Variants in FLI1 observed in about 807,000 individuals in gnomAD.
FLI1 encodes the protein Fli-1 proto-oncogene, ETS transcription factor.
In FLI1, 13 loss-of-function variants were observed where a neutral mutation model predicts 53.1. The ratio of observed to expected loss-of-function variants is 0.24; its 90% CI spans 0.16 to 0.39. The LOEUF is 0.39. Among genes scored for constraint, FLI1 ranks in the 10% least tolerant of loss-of-function variants. FLI1 has a pLI of 1.00. For missense variants in FLI1, 424 were observed against 600.5 expected, an observed-to-expected ratio of 0.71 and a Z score of 3.07; for synonymous variants, 244 against 236.7, an observed-to-expected ratio of 1.03 and a Z score of -0.28.
chr11:128,764,742 C>T, intron 2 of FLI1: 11 of 1,580,248 alleles, frequency 7.0e-6, no homozygotes, highest in Non-Finnish European at 9.4e-6. Context: ...TGGCCGCACG[C>T]AGGGCTTGCG....
intron 4 of FLI1, 69 bp downstream of exon 4, chr11:128,773,054 C>T: frequency 7.0e-7 from 1 of 1,419,496 alleles, no homozygotes; most frequent in Non-Finnish European, 9.8e-7. Flanking sequence ...GAGAGGAAGT[C>T]AGTGCTGCCC....
intron 5 of FLI1, among the ~76,000 whole-genome samples, chr11:128,786,237 A>G (rs775811661): frequency 1.3e-5 from 2 of 152,210 alleles, no homozygotes; most frequent in Non-Finnish European, 2.9e-5. Flanking sequence ...GAGCTACTCC[A>G]GATTTTCTTG....
intron 3 of FLI1, 54 bp from the exon 4 acceptor site, chr11:128,772,728 C>A: frequency 6.8e-7 from 1 of 1,479,870 alleles, no homozygotes; most frequent in Non-Finnish European, 9.4e-7. Context: ...CCTAGGCTCT[C>A]AGGGAGCCTC....
intron 1 of FLI1, among the ~76,000 whole-genome samples, chr11:128,754,082 T>C (rs1591782820): frequency 1.4e-5 from 1 of 73,510 alleles, no homozygotes; most frequent in African/African-American, 5.5e-5. Context: ...CTTGCCCATA[T>C]TGGCTTTTCA....
intron 1 of FLI1, among the ~76,000 whole-genome samples, chr11:128,702,479 T>C (rs984469412): frequency 5.3e-5 from 8 of 152,250 alleles, no homozygotes; most frequent in Non-Finnish European, 1.0e-4. Flanking sequence ...TATAATTTAC[T>C]GTAAGGATAT....
At chr11:128,756,710 T>C (rs1383932889) in intron 1 of FLI1, among the ~76,000 whole-genome samples, 2 of 152,250 alleles carry the variant, frequency 1.3e-5, no homozygotes, top group Non-Finnish European at 2.9e-5. Flanking sequence ...TATAGATCAA[T>C]TATAGATGAC....
chr11:128,761,440 C>T (rs563186462), intron 2 of FLI1, among the ~76,000 whole-genome samples: 4 of 152,280 alleles, frequency 2.6e-5, no homozygotes, highest in South Asian at 4.1e-4. Context: ...AATAAATTGT[C>T]GTCAAATAAA....
intron 5 of FLI1, among the ~76,000 whole-genome samples, chr11:128,803,495 C>T (rs540863532): frequency 5.9e-5 from 9 of 152,204 alleles, no homozygotes; most frequent in Non-Finnish European, 1.5e-5. Context: ...GATGCACTCT[C>T]CCCTCTCCAA....
At chr11:128,753,688 C>T (rs1254953794) in intron 1 of FLI1, among the ~76,000 whole-genome samples, 1 of 152,242 alleles carries the variant, frequency 6.6e-6, no homozygotes, top group Non-Finnish European at 1.5e-5. Context: ...GCAACAGCTC[C>T]TCATGTGTAA....
chr11:128,740,180 T>C (rs994791190), intron 1 of FLI1, among the ~76,000 whole-genome samples: 1 of 152,176 alleles, frequency 6.6e-6, no homozygotes, highest in Non-Finnish European at 1.5e-5. Context: ...TATTTGGGAA[T>C]GTATACGCAC....
rs2135925843 is a variant in FLI1, at chr11:128,810,882, C to T, written c.1253C>T (p.Ala418Val). 2 of 1,614,036 alleles carry T rather than the reference C, an allele frequency of 1.2e-6. No individual in the cohort carries two copies. Among genetic ancestry groups the T allele is most frequent in the Non-Finnish European group, 1.7e-6 (2 of 1,179,884 alleles). ...GTCACTTCCTCCAGCTTCTTTGGAG[C>T]CGCATCACAATACTGGACCTCCCCC... ...MPVTSSSFFGAASQYWTSPTG... is the reference protein window; with the variant it reads ...MPVTSSSFFGVASQYWTSPTG... Residue 418 changes from alanine (A) to valine (V), a missense_variant, in exon 9 of 9, where the codon GCC becomes GTC. Ala to Val is a moderately conservative substitution (Grantham distance 64). Coordinates refer to ENST00000527786, the MANE Select transcript of FLI1 (RefSeq NM_002017.5). This position sits in a 1 kb window ranked among gnomAD's most constrained non-coding sequence, Gnocchi z 6.6.
chr11:128,688,554 A>G (rs73571646), intron 1 of FLI1, among the ~76,000 whole-genome samples: 3,358 of 152,240 alleles, frequency 0.022, 140 homozygotes, highest in African/African-American at 0.077. Flanking sequence ...GTTGTTGACA[A>G]ACACCGCAGG....
intron 1 of FLI1, among the ~76,000 whole-genome samples, chr11:128,695,019 G>A (rs961816946): frequency 6.7e-6 from 1 of 148,296 alleles, no homozygotes; most frequent in African/African-American, 2.5e-5. Flanking sequence ...CCCGCCCTTC[G>A]CGCCTAGGCG....
intron 5 of FLI1, among the ~76,000 whole-genome samples, chr11:128,797,105 C>G (rs1170400571): frequency 6.6e-6 from 1 of 152,248 alleles, no homozygotes; most frequent in African/African-American, 2.4e-5. Flanking sequence ...GGTCAAAAGG[C>G]AAATCATGGG....
At position 128,810,596 on chromosome 11, in the gene FLI1, G is replaced by A. The variant is rs760569858; in HGVS notation, c.967G>A (p.Glu323Lys). 4 of 1,613,786 alleles carry A rather than the reference G, an allele frequency of 2.5e-6. No individual in the cohort carries two copies. Among genetic ancestry groups the A allele is most frequent in the South Asian group, 1.1e-5 (1 of 91,008 alleles). The change falls in exon 9 of 9, where the codon GAG (glutamate) becomes AAG (lysine). Residue 323 changes from glutamate to lysine, a missense_variant. Glu to Lys is a moderately conservative substitution (Grantham distance 56). Around this residue, in one of 5 missense-constraint regions of FLI1, gnomAD observed 71 missense variants for 174.2 expected, o/e 0.41. Transcript: ENST00000527786. The surrounding 1 kb of genome is among the most constrained non-coding windows in gnomAD (Gnocchi z 6.6). ...CGATGAGGTGGCCAGGCGCTGGGGC[G>A]AGCGGAAAAGCAAGCCCAACATGAA... ...DPDEVARRWG[E>K]RKSKPNMNYD...
chr11:128,774,385 C>T (rs1293531974), intron 4 of FLI1, among the ~76,000 whole-genome samples: 1 of 152,160 alleles, frequency 6.6e-6, no homozygotes, highest in Non-Finnish European at 1.5e-5. Context: ...AAAAAGGGGA[C>T]AATTTTCCAC....
intron 1 of FLI1, among the ~76,000 whole-genome samples, chr11:128,700,727 A>C (rs1453091139): frequency 6.6e-6 from 1 of 152,128 alleles, no homozygotes; most frequent in Non-Finnish European, 1.5e-5. Context: ...TACAAAAATT[A>C]GCCGGGCATG....
At chr11:128,774,688 G>GGC (rs1941680288) in intron 4 of FLI1, among the ~76,000 whole-genome samples, 2 of 152,220 alleles carry the variant, frequency 1.3e-5, no homozygotes, top group African/African-American at 4.8e-5. Flanking sequence ...CCAGTGCTTC[G>GGC]AGACTCTTCG....
intron 1 of FLI1, among the ~76,000 whole-genome samples, chr11:128,716,087 G>A (rs941812945): frequency 1.3e-5 from 2 of 152,208 alleles, no homozygotes; most frequent in African/African-American, 2.4e-5. Context: ...GCATTGGTAG[G>A]GTTAGGAGCC....
Sources: allele counts gnomAD v4.1 joint callset (sites outside exome capture counted in the v4.1 genomes callset), GRCh38; gene constraint gnomAD v4.1.1; regional missense constraint gnomAD v4.1.1; non-coding constraint Gnocchi (gnomAD v3.1); transcripts MANE v1.5; gene names NCBI Gene and HGNC (gene_info 2026-07-23, HGNC 2026-07-21).